Variants in DEPTOR observed in about 807,000 individuals in gnomAD.
DEPTOR encodes DEP domain-containing mTOR-interacting protein.
A neutral mutation model predicts 41.6 loss-of-function variants in DEPTOR; 41 were observed. That is an observed-to-expected ratio of 0.98 (90% CI 0.77 to 1.28). The LOEUF (loss-of-function observed/expected upper bound fraction) is 1.28. Ranked by LOEUF, DEPTOR falls within the 50% of genes most tolerant of loss-of-function variation. The probability of loss-of-function intolerance (pLI) is 0.00; values close to 1 mark genes in which losing one functional copy is unlikely to be tolerated. For missense variants in DEPTOR, 514 were observed against 527.9 expected (o/e 0.97, Z 0.26); for synonymous variants, 195 against 192.3 (o/e 1.01, Z -0.12).
At chr8:119,905,433 A>G (rs1827649690) in intron 1 of DEPTOR, among the ~76,000 whole-genome samples, 1 of 152,294 alleles carries the variant, frequency 6.6e-6, no homozygotes, top group Non-Finnish European at 1.5e-5. Flanking sequence ...CTAGGAGTGC[A>G]GTGCAGGAAG....
chr8:119,941,852 A>G (rs1828208240), intron 3 of DEPTOR, among the ~76,000 whole-genome samples: 2 of 152,212 alleles, frequency 1.3e-5, no homozygotes, highest in Admixed American at 6.5e-5. Context: ...TTCCAGCTCT[A>G]GGACCCATGA....
intron 4 of DEPTOR, among the ~76,000 whole-genome samples, chr8:119,973,208 A>G (rs991237190): frequency 2.6e-5 from 4 of 151,576 alleles, no homozygotes; most frequent in African/African-American, 9.7e-5. Context: ...CAAAGTGTTG[A>G]GATTACAGGC....
intron 1 of DEPTOR, among the ~76,000 whole-genome samples, chr8:119,901,675 CA>C (rs36026315): frequency 0.14 from 12,391 of 88,266 alleles, 1,174 homozygotes; most frequent in African/African-American, 0.33. Context: ...GACTCTGTCT[CA>C]AAAAAAAAAA....
chr8:120,026,343 T>C (rs2130154546), intron 8 of DEPTOR, among the ~76,000 whole-genome samples: 1 of 151,836 alleles, frequency 6.6e-6, no homozygotes, highest in South Asian at 2.1e-4. Flanking sequence ...AACTCAAGTA[T>C]TCTAATTTTT....
chr8:119,933,500 A>ACACACACACACAC (rs35710269), intron 3 of DEPTOR, among the ~76,000 whole-genome samples: 1 of 147,060 alleles, frequency 6.8e-6, no homozygotes, highest in African/African-American at 2.6e-5. Flanking sequence ...ACACACACAC[A>ACACACACACACAC]ATGTTTATTA....
At position 119,929,799 on chromosome 8, in the gene DEPTOR, G is replaced by T; in HGVS notation, c.302-16G>T. Reference sequence around the variant, plus strand: ...TTTTTTTTCTCATTTGCTTCTCTGTGCATATTGTGTTTCAGTGTGTGATGA... The same window carrying T: ...TTTTTTTTCTCATTTGCTTCTCTGTTCATATTGTGTTTCAGTGTGTGATGA... On this transcript the variant is annotated splice_polypyrimidine_tract_variant and intron_variant, in intron 2 of 8. Coordinates refer to ENST00000286234, the MANE Select transcript of DEPTOR (RefSeq NM_022783.4). 1.9e-6 allele frequency: 3 copies of T among 1,595,614 alleles called. No homozygotes were observed. The highest frequency in any genetic ancestry group is 2.6e-6 in the Non-Finnish European group (3 of 1,167,318).
rs553618452 is a variant in DEPTOR at position 120,016,546 on chromosome 8, G to A, written c.1101+7413G>A. Among the ~76,000 whole-genome samples, 6 of 151,274 alleles carry A rather than the reference G, an allele frequency of 4.0e-5. No individual in the cohort carries two copies. In the East Asian group the frequency reaches 7.9e-4, roughly 20 times the overall value. On this transcript the variant is annotated intron_variant, in intron 8 of 8. Coordinates refer to ENST00000286234, the MANE Select transcript of DEPTOR (RefSeq NM_022783.4). Reference sequence around the variant, plus strand: ...AAACTCCTGACCTCAAGTGATTCACGTGCCCCAGCCTCCCAAAGTGCTGGG... The same window carrying A: ...AAACTCCTGACCTCAAGTGATTCACATGCCCCAGCCTCCCAAAGTGCTGGG...
chr8:119,980,900 C>G (rs1828759053), intron 4 of DEPTOR, among the ~76,000 whole-genome samples: 1 of 152,086 alleles, frequency 6.6e-6, no homozygotes, highest in Non-Finnish European at 1.5e-5. Flanking sequence ...TTTACAGTGC[C>G]AGTTTGGACA....
intron 1 of DEPTOR, among the ~76,000 whole-genome samples, chr8:119,907,014 C>A (rs553017574): frequency 6.6e-6 from 1 of 152,092 alleles, no homozygotes; most frequent in Non-Finnish European, 1.5e-5. Context: ...TATAAGCAGG[C>A]GAAGAGAATG....
intron 4 of DEPTOR, among the ~76,000 whole-genome samples, chr8:120,000,627 G>T (rs11986039): frequency 0.81 from 122,474 of 151,548 alleles, 49,565 homozygotes; most frequent in Middle Eastern, 0.84. Flanking sequence ...CACACCTGGC[G>T]AATTATTGTA....
At chr8:119,950,063 G>A (rs1419935775) in intron 3 of DEPTOR, among the ~76,000 whole-genome samples, 1 of 152,146 alleles carries the variant, frequency 6.6e-6, no homozygotes, top group Non-Finnish European at 1.5e-5. Context: ...GTAGTATGAG[G>A]TTAAGGATCC....
At chr8:120,005,784 G>T (rs565317639) in intron 6 of DEPTOR, among the ~76,000 whole-genome samples, 29 of 152,236 alleles carry the variant, frequency 1.9e-4, no homozygotes, top group African/African-American at 7.0e-4. Context: ...GTTTTAGGCA[G>T]CCGCAAGTCA....
intron 1 of DEPTOR, among the ~76,000 whole-genome samples, chr8:119,910,596 G>A (rs1362186086): frequency 6.6e-6 from 1 of 151,822 alleles, no homozygotes; most frequent in African/African-American, 2.4e-5. Context: ...GAGATTATAG[G>A]TGCCCAGCTA....
chr8:119,922,232 T>A (rs1364124125), intron 1 of DEPTOR, among the ~76,000 whole-genome samples: 1 of 135,396 alleles, frequency 7.4e-6, no homozygotes, highest in Non-Finnish European at 1.6e-5. Context: ...AGAGTGAAAC[T>A]GTCTCAAAAA....
chr8:119,964,083 A>G (rs1030181492), intron 3 of DEPTOR, among the ~76,000 whole-genome samples: 17 of 152,084 alleles, frequency 1.1e-4, no homozygotes, highest in African/African-American at 4.1e-4. Context: ...GAGAGAGAGA[A>G]AGAGAGCAAG....
chr8:119,986,811 G>C (rs552497734), intron 4 of DEPTOR, among the ~76,000 whole-genome samples: 3 of 151,428 alleles, frequency 2.0e-5, no homozygotes, highest in Non-Finnish European at 4.4e-5. Context: ...TCTTCTGCTT[G>C]ATCGATTCAG....
In DEPTOR at chr8:119,973,420, G is replaced by A. The variant is rs1002502896; in HGVS notation, c.604+8010G>A. ...GGCTAATTTTTTAATTTTTCATAGA[G>A]ACGGGGGTTGTTGCCAAGTTGCCCA... On this transcript the variant is annotated intron_variant, in intron 4 of 8. Coordinates refer to ENST00000286234, the MANE Select transcript of DEPTOR (RefSeq NM_022783.4). Among the ~76,000 whole-genome samples, 7 of 152,156 alleles carry A rather than the reference G, an allele frequency of 4.6e-5. No homozygotes were observed. In the East Asian group the frequency reaches 1.3e-3, roughly 29 times the overall value.
chr8:120,016,507 G>A (rs538522560), intron 8 of DEPTOR, among the ~76,000 whole-genome samples: 5 of 152,044 alleles, frequency 3.3e-5, no homozygotes, highest in African/African-American at 9.6e-5. Flanking sequence ...CACCATGTTG[G>A]TCAGGCTGGT....
chr8:119,873,811 C>T lies in DEPTOR; in HGVS notation c.-36C>T, dbSNP rs140142743. The T allele has an allele frequency of 2.4e-3, 3,811 of 1,606,360 alleles. 13 individuals carry two copies. The highest frequency in any genetic ancestry group is 7.3e-3 in the Middle Eastern group (40 of 5,462). On this transcript the variant is annotated 5_prime_UTR_variant, in exon 1 of 9. Transcript: ENST00000286234. The stretch of plus-strand genomic sequence containing the variant: ...TCCGAGCACCCAAACCCTCGGCGGA[C>T]AGCGGAGCCAGTGGTAGCCGCACGG...
Sources: gnomAD v4.1 joint callset for allele counts (sites outside exome capture counted in the v4.1 genomes callset) on GRCh38, gnomAD v4.1.1 for gene constraint, MANE v1.5 for transcripts, NCBI Gene and HGNC (gene_info 2026-07-23, HGNC 2026-07-21) for gene names.